Variants in SLIT3 observed in about 807,000 individuals in gnomAD.
SLIT3 encodes the protein slit homolog 3 protein.
A neutral mutation model predicts 184.0 loss-of-function variants in SLIT3; 68 were observed. That is an observed-to-expected ratio of 0.37 (90% CI 0.30 to 0.45). SLIT3 has a LOEUF of 0.45. SLIT3 is among the 20% of genes least tolerant of loss of function. The probability of loss-of-function intolerance (pLI) is 1.00; values close to 1 mark genes in which losing one functional copy is unlikely to be tolerated. For missense variants in SLIT3, 1,707 were observed against 2,026.0 expected (o/e 0.84, Z 3.02); for synonymous variants, 831 against 828.6 (o/e 1.00, Z -0.05).
chr5:169,171,570 G>A (rs951371996), intron 4 of SLIT3, among the ~76,000 whole-genome samples: 19 of 152,212 alleles, frequency 1.2e-4, no homozygotes, highest in Non-Finnish European at 1.3e-4. Context: ...CAGGAAAGAG[G>A]TTTCAGCCAA....
chr5:168,890,988 A>T (rs986610903), intron 4 of SLIT3, among the ~76,000 whole-genome samples: 3 of 152,242 alleles, frequency 2.0e-5, no homozygotes, highest in African/African-American at 7.2e-5. Flanking sequence ...TGTGTCTTTA[A>T]GAGCACCAGT....
At chr5:168,913,761 C>CA (rs1761340197) in intron 4 of SLIT3, among the ~76,000 whole-genome samples, 1 of 145,254 alleles carries the variant, frequency 6.9e-6, no homozygotes, top group Non-Finnish European at 1.5e-5. Context: ...AACAAACAAA[C>CA]AAAAACAAAC....
chr5:168,854,136 G>C (rs371723002), intron 5 of SLIT3, among the ~76,000 whole-genome samples: 11 of 152,284 alleles, frequency 7.2e-5, no homozygotes, highest in African/African-American at 2.6e-4. Flanking sequence ...CAATCCAGGA[G>C]TCTCGGGGCT....
intron 4 of SLIT3, among the ~76,000 whole-genome samples, chr5:169,152,924 TA>T (rs1762168441): frequency 6.6e-6 from 1 of 152,148 alleles, no homozygotes; most frequent in Non-Finnish European, 1.5e-5. Flanking sequence ...CCAAATTAGG[TA>T]TAGCCTGGTT....
At chr5:168,915,819 T>G (rs1218623683) in intron 4 of SLIT3, among the ~76,000 whole-genome samples, 2 of 152,242 alleles carry the variant, frequency 1.3e-5, no homozygotes, top group African/African-American at 4.8e-5. Context: ...AAATGTCATA[T>G]GTGAACTGTG....
intron 4 of SLIT3, among the ~76,000 whole-genome samples, chr5:169,126,388 C>A (rs369698652): frequency 6.6e-6 from 1 of 152,180 alleles, no homozygotes; most frequent in African/African-American, 2.4e-5. Flanking sequence ...GCAGGCAACA[C>A]CATGATGTTG....
chr5:168,963,310 T>C (rs1216536691), intron 4 of SLIT3, among the ~76,000 whole-genome samples: 3 of 152,196 alleles, frequency 2.0e-5, no homozygotes, highest in Non-Finnish European at 4.4e-5. Flanking sequence ...TAGCTGGGAT[T>C]ACAGGCATGC....
At chr5:168,798,214 C>CTTTTTTTTTTTTT in intron 9 of SLIT3, among the ~76,000 whole-genome samples, 1 of 84,696 alleles carries the variant, frequency 1.2e-5, no homozygotes, top group East Asian at 3.9e-4. Context: ...TTCTTTTCTT[C>CTTTTTTTTTTTTT]TTCTTCTTCT....
At chr5:169,195,295 A>T (rs1763705817) in intron 3 of SLIT3, among the ~76,000 whole-genome samples, 3 of 152,108 alleles carry the variant, frequency 2.0e-5, no homozygotes, top group Admixed American at 2.0e-4. Flanking sequence ...GGGATGAGCG[A>T]CTAGAAGGAG....
At chr5:168,891,367 G>C (rs572667015) in intron 4 of SLIT3, among the ~76,000 whole-genome samples, 1 of 152,300 alleles carries the variant, frequency 6.6e-6, no homozygotes, top group East Asian at 1.9e-4. Flanking sequence ...AAGGGTAAGA[G>C]TCCATGGATG....
At chr5:168,913,345 T>G (rs1435857202) in intron 4 of SLIT3, among the ~76,000 whole-genome samples, 1 of 152,240 alleles carries the variant, frequency 6.6e-6, no homozygotes, top group Non-Finnish European at 1.5e-5. Context: ...ACTAACGCCC[T>G]CATATTAAGT....
intron 14 of SLIT3, among the ~76,000 whole-genome samples, chr5:168,767,157 T>C (rs1755373383): frequency 6.6e-6 from 1 of 152,210 alleles, no homozygotes; most frequent in South Asian, 2.1e-4. Flanking sequence ...AAGCACTCAA[T>C]GTATGTTAAA....
intron 7 of SLIT3, among the ~76,000 whole-genome samples, chr5:168,819,569 G>T (rs1757452928): frequency 6.6e-6 from 1 of 152,222 alleles, no homozygotes; most frequent in Non-Finnish European, 1.5e-5. Context: ...ATGAGCCAAG[G>T]AGCATGTGTG....
chr5:169,204,577 A>G (rs568370787), intron 3 of SLIT3, among the ~76,000 whole-genome samples: 3 of 152,320 alleles, frequency 2.0e-5, no homozygotes, highest in Admixed American at 6.5e-5. Context: ...AAGCTCCTGA[A>G]CAGGCAACAG....
chr5:169,242,917 C>A (rs867348187), intron 3 of SLIT3, among the ~76,000 whole-genome samples: 31 of 151,990 alleles, frequency 2.0e-4, no homozygotes, highest in Non-Finnish European at 3.8e-4. Context: ...ATGCGAGAGG[C>A]TACTCTCAGG....
At chr5:168,951,457 T>A (rs1473047595) in intron 4 of SLIT3, among the ~76,000 whole-genome samples, 1 of 152,158 alleles carries the variant, frequency 6.6e-6, no homozygotes, top group African/African-American at 2.4e-5. Context: ...GCTATGTTTT[T>A]CTGCCAGCAT....
In SLIT3 at chr5:168,669,802, G is replaced by A. The variant is rs368381567; in HGVS notation, c.4317C>T (p.Ser1439=). Residue 1439 remains serine (S), a synonymous_variant, in exon 35 of 36, where the codon AGC becomes AGT. Transcript: ENST00000519560. ...ACCCACCTTGTTGGCAGTGCTCGCC[G>A]CTAAAGCCGGGCTGGCACAGGCAGT... ...EPYCLCQPGF[S]GEHCQQENPC... The A allele has an allele frequency of 5.3e-5, 85 of 1,613,682 alleles. No individual in the cohort carries two copies. Among genetic ancestry groups the A allele is most frequent in the South Asian group, 3.7e-4 (34 of 91,046 alleles).
chr5:169,130,502 A>G (rs1327473162), intron 4 of SLIT3, among the ~76,000 whole-genome samples: 1 of 152,226 alleles, frequency 6.6e-6, no homozygotes, highest in Non-Finnish European at 1.5e-5. Context: ...AATGAAAATA[A>G]TAACACCTGG....
intron 5 of SLIT3, among the ~76,000 whole-genome samples, chr5:168,868,747 C>CAAA (rs375837097): frequency 5.9e-4 from 41 of 69,284 alleles, no homozygotes; most frequent in African/African-American, 1.9e-3. Flanking sequence ...GAATCTGCCT[C>CAAA]AAAAAAAAAA....
Sources: gnomAD v4.1 joint callset for allele counts (sites outside exome capture counted in the v4.1 genomes callset) on GRCh38, gnomAD v4.1.1 for gene constraint, MANE v1.5 for transcripts, NCBI Gene and HGNC (gene_info 2026-07-23, HGNC 2026-07-21) for gene names.